The following DUX4 variants were observed in gnomAD, a reference collection of about 807,000 sequenced individuals.
DUX4 encodes the protein double homeobox protein 4.
At chr4:190,180,018 C>T (rs1272236474), downstream of DUX4, among the ~76,000 whole-genome samples, 3,163 of 51,934 alleles carry the variant, frequency 0.061, 41 homozygotes, top group African/African-American at 0.075. Context: ...ACTAGAGTTA[C>T]ATCACCTGTG....
At chr4:190,179,451 TAA>T (rs1472362628), downstream of DUX4, among the ~76,000 whole-genome samples, 17,953 of 139,136 alleles carry the variant, frequency 0.13, 336 homozygotes, top group Middle Eastern at 0.16. Context: ...AAGCACCCTG[TAA>T]GCAGATCCTA....
downstream of DUX4, among the ~76,000 whole-genome samples, chr4:190,178,323 T>G (rs2126572726): frequency 3.4e-5 from 5 of 146,672 alleles, no homozygotes; most frequent in Admixed American, 6.8e-5. Context: ...TTGCACCACC[T>G]GGGTGATCAG....
In DUX4 at chr4:190,175,766, C is replaced by G. The variant is rs1251209676; in HGVS notation, c.*356C>G. The G allele has an allele frequency of 1.6e-3, 253 of 158,470 alleles. 10 individuals carry two copies. The highest frequency in any genetic ancestry group is 6.1e-3 in the African/African-American group (231 of 38,106). 9.8% of individuals were successfully genotyped at this position (158,470 alleles called of 1,614,324 possible). A position where few individuals can be genotyped will look rare whatever the true frequency, so the allele number is the denominator to read the frequency against. On this transcript the variant is annotated 3_prime_UTR_variant, in exon 2 of 2. Transcript: ENST00000565211. ...CCCCCACCTTCCGACGCTGTCTAGGCAAACCTGGATTAGAGTTACATCTCC... is the reference window on the plus strand; with the variant it reads ...CCCCCACCTTCCGACGCTGTCTAGGGAAACCTGGATTAGAGTTACATCTCC...
At chr4:190,177,766 C>A (rs1742385136), downstream of DUX4, among the ~76,000 whole-genome samples, 1,134 of 128,374 alleles carry the variant, frequency 8.8e-3, no homozygotes, top group African/African-American at 0.014. Flanking sequence ...ACAAGAGTCC[C>A]ATCACCTGGG....
chr4:190,181,287 TGCCG>T (rs1742561536), intron 1 of DUX4, among the ~76,000 whole-genome samples: 1 of 104,930 alleles, frequency 9.5e-6, no homozygotes, highest in Non-Finnish European at 2.0e-5. Context: ...TATGTGACAA[TGCCG>T]CCAGTAGGCA....
downstream of DUX4, among the ~76,000 whole-genome samples, chr4:190,177,961 G>A (rs1742396531): frequency 1.4e-3 from 206 of 142,584 alleles, no homozygotes; most frequent in Admixed American, 3.7e-3. Flanking sequence ...GCAGAGCCTA[G>A]ACAAGAGTTA....
At chr4:190,181,352 ACAATGCCCTCT>A (rs2126583359) in intron 1 of DUX4, among the ~76,000 whole-genome samples, 1 of 274 alleles carries the variant, frequency 3.6e-3, no homozygotes, top group Non-Finnish European at 6.8e-3. Flanking sequence ...AAGATATGCC[ACAATGCCCTCT>A]GTAGGCAGAG....
chr4:190,178,831 TC>T (rs1742455504), downstream of DUX4, among the ~76,000 whole-genome samples: 3 of 150,692 alleles, frequency 2.0e-5, no homozygotes, highest in Admixed American at 6.6e-5. Flanking sequence ...CTCTCACAAT[TC>T]CCCTGTAGGC....
downstream of DUX4, among the ~76,000 whole-genome samples, chr4:190,179,792 G>GC (rs1742512395): frequency 2.0e-4 from 5 of 25,372 alleles, no homozygotes; most frequent in East Asian, 1.3e-3. Flanking sequence ...TGCCCCTGTA[G>GC]GCAAGCCTAC....
chr4:190,176,828 G>T (rs1742323786), downstream of DUX4, among the ~76,000 whole-genome samples: 13 of 129,936 alleles, frequency 1.0e-4, no homozygotes, highest in African/African-American at 2.8e-4. Context: ...AGAGATCAGT[G>T]CATAGATATG....
chr4:190,179,514 C>A (rs1579835587), downstream of DUX4, among the ~76,000 whole-genome samples: 13 of 136,266 alleles, frequency 9.5e-5, no homozygotes, highest in South Asian at 4.4e-4. Flanking sequence ...GTCACAAGCC[C>A]CCTGTAGGCA....
chr4:190,177,529 A>ACT (rs1579832955), downstream of DUX4, among the ~76,000 whole-genome samples: 1 of 151,762 alleles, frequency 6.6e-6, no homozygotes, highest in Non-Finnish European at 1.5e-5. Flanking sequence ...TATGTGTCAC[A>ACT]ATTCCCCTTT....
At chr4:190,179,793 G>GCCGAGCCTAGGC (rs1241531167), downstream of DUX4, among the ~76,000 whole-genome samples, 1 of 147,262 alleles carries the variant, frequency 6.8e-6, no homozygotes, top group African/African-American at 2.5e-5. Context: ...GCCCCTGTAG[G>GCCGAGCCTAGGC]CAAGCCTACA....
chr4:190,176,891 A>G (rs1216986369), downstream of DUX4, among the ~76,000 whole-genome samples: 852 of 91,182 alleles, frequency 9.3e-3, 45 homozygotes, highest in African/African-American at 0.026. Context: ...CACCTAGGTG[A>G]TCAGTGCAGT....
downstream of DUX4, among the ~76,000 whole-genome samples, chr4:190,179,802 C>CCAAAGTGTT: frequency 7.6e-5 from 1 of 13,190 alleles, no homozygotes; most frequent in Non-Finnish European, 2.3e-4. Flanking sequence ...GGCAAGCCTA[C>CCAAAGTGTT]ACAAGTATTA....
At chr4:190,181,373 GCCTAAACAAGAGTTAC>G (rs1579837289) in intron 1 of DUX4, among the ~76,000 whole-genome samples, 11 of 330 alleles carry the variant, frequency 0.033, no homozygotes, top group African/African-American at 0.066. Flanking sequence ...TGTAGGCAGA[GCCTAAACAAGAGTTAC>G]ATCATCTGGT....
At chr4:190,176,736 C>A (rs1410042020), downstream of DUX4, among the ~76,000 whole-genome samples, 879 of 25,510 alleles carry the variant, frequency 0.034, 2 homozygotes, top group Middle Eastern at 0.11. Flanking sequence ...CTAAGACAAG[C>A]GTCCATCACC....
chr4:190,176,288 G>A (rs1742300997), downstream of DUX4, among the ~76,000 whole-genome samples: 1 of 112,848 alleles, frequency 8.9e-6, no homozygotes, highest in African/African-American at 2.6e-5. Context: ...GCATTGGAGA[G>A]ATCTGTCACA....
Position 190,175,158 on chromosome 4 carries a change from A to T in DUX4, c.*110A>T, listed in dbSNP as rs1742206297. The T allele has an allele frequency of 6.9e-5, 7 of 101,530 alleles. No individual in the cohort carries two copies. Among genetic ancestry groups the T allele is most frequent in the Non-Finnish European group, 1.2e-4 (7 of 58,426 alleles). The allele number at this position is 101,530 out of a possible 1,614,324, so 6.3% of individuals were successfully genotyped here. A position where few individuals can be genotyped will look rare whatever the true frequency, so the allele number is the denominator to read the frequency against. Reference sequence around the variant, plus strand: ...GGCGTGTCTCCGCCCCGCCCCCTCCACCGGGCTGACCGGCCTGGGATTCCT... The same window carrying T: ...GGCGTGTCTCCGCCCCGCCCCCTCCTCCGGGCTGACCGGCCTGGGATTCCT... On this transcript the variant is annotated 3_prime_UTR_variant, in exon 1 of 2. Transcript: ENST00000565211.
Sources: allele counts gnomAD v4.1 joint callset (sites outside exome capture counted in the v4.1 genomes callset), GRCh38; gene constraint gnomAD v4.1.1; transcripts MANE v1.5; gene names NCBI Gene and HGNC (gene_info 2026-07-23, HGNC 2026-07-21).